The following DNAH11 variants were observed in gnomAD, a reference collection of about 807,000 sequenced individuals.
The protein encoded by DNAH11 is dynein axonemal heavy chain 11.
A neutral mutation model predicts 526.0 loss-of-function variants in DNAH11; 442 were observed. The observed-to-expected ratio is 0.84, with a 90% CI of 0.78 to 0.91. The LOEUF (loss-of-function observed/expected upper bound fraction) is 0.91. DNAH11 is among the 40% of genes least tolerant of loss of function. DNAH11 has a pLI of 0.00. For missense variants in DNAH11, 6,989 were observed against 5,448.7 expected, an observed-to-expected ratio of 1.28 and a Z score of -8.90; for synonymous variants, 2,461 against 1,935.9, an observed-to-expected ratio of 1.27 and a Z score of -7.12.
intron 66 of DNAH11, among the ~76,000 whole-genome samples, 189 bp downstream of exon 66, chr7:21,842,937 G>T (rs1235347418): frequency 1.3e-5 from 2 of 152,186 alleles, no homozygotes; most frequent in Non-Finnish European, 1.5e-5. Flanking sequence ...GATTGTTACG[G>T]TTATGCCACA....
chr7:21,878,486 T>G (rs970404440), intron 74 of DNAH11, among the ~76,000 whole-genome samples: 1 of 152,230 alleles, frequency 6.6e-6, no homozygotes, highest in African/African-American at 2.4e-5. Flanking sequence ...GTAAATTTTT[T>G]TTATACCCTT....
intron 27 of DNAH11, among the ~76,000 whole-genome samples, chr7:21,638,157 T>C (rs976762629): frequency 1.3e-5 from 2 of 152,220 alleles, no homozygotes; most frequent in African/African-American, 4.8e-5. Flanking sequence ...AATTTTCACA[T>C]TTAATTCTAT....
At chr7:21,788,813 A>G (rs988852756) in intron 60 of DNAH11, among the ~76,000 whole-genome samples, 2 of 152,214 alleles carry the variant, frequency 1.3e-5, no homozygotes, top group African/African-American at 4.8e-5. Flanking sequence ...TAGTAATATG[A>G]GGCGTATCTT....
At chr7:21,658,597 G>A (rs573877442) in intron 29 of DNAH11, among the ~76,000 whole-genome samples, 1 of 152,212 alleles carries the variant, frequency 6.6e-6, no homozygotes, top group Admixed American at 6.5e-5. Flanking sequence ...CCTGGGAGAA[G>A]GCGGGTTCCT....
intron 28 of DNAH11, among the ~76,000 whole-genome samples, chr7:21,645,986 A>G (rs903173095): frequency 3.3e-5 from 5 of 152,222 alleles, no homozygotes; most frequent in Admixed American, 3.3e-4. Flanking sequence ...TTATCAAAAG[A>G]TGCTCTTAAG....
At chr7:21,610,115 G>A (rs930725375) in intron 20 of DNAH11, among the ~76,000 whole-genome samples, 20 of 152,232 alleles carry the variant, frequency 1.3e-4, no homozygotes, top group Admixed American at 4.6e-4. Flanking sequence ...TTAGCCGGGC[G>A]TGGTGGCAGG....
chr7:21,574,677 C>T (rs1784018594), intron 8 of DNAH11, among the ~76,000 whole-genome samples: 1 of 151,150 alleles, frequency 6.6e-6, no homozygotes, highest in African/African-American at 2.4e-5. Context: ...GATTCTTCTG[C>T]CTCAGCCTCC....
intron 21 of DNAH11, among the ~76,000 whole-genome samples, chr7:21,615,875 T>A (rs1256053064): frequency 1.3e-5 from 2 of 152,202 alleles, no homozygotes; most frequent in African/African-American, 4.8e-5. Context: ...GCTTATTTAG[T>A]TACATGTAGA....
At chr7:21,863,760 C>G (rs549729080) in intron 69 of DNAH11, among the ~76,000 whole-genome samples, 1 of 152,088 alleles carries the variant, frequency 6.6e-6, no homozygotes, top group African/African-American at 2.4e-5. Context: ...AGTTTCATAA[C>G]TATATGGATA....
chr7:21,865,233 T>C (rs572700717), intron 70 of DNAH11, among the ~76,000 whole-genome samples: 6 of 152,360 alleles, frequency 3.9e-5, no homozygotes, highest in African/African-American at 1.2e-4. Context: ...GTTCAACATA[T>C]GCTAAGCTTT....
rs146741796 is a variant in DNAH11, at chr7:21,876,480, A to G, written c.12195+2979A>G. ...CCTGGCTCTCTGTGAATATGTTCCC[A>G]TTGCCCTTTTATCAGTTAGAATGTT... is the stretch of plus-strand genomic sequence containing the variant. On this transcript the variant is annotated intron_variant, in intron 74 of 81. Transcript: ENST00000409508. 6.6e-3 allele frequency among the ~76,000 whole-genome samples: 1,006 copies of G among 152,326 alleles called. 12 individuals carry two copies. The highest frequency in any genetic ancestry group is 0.023 in the African/African-American group (948 of 41,572).
chr7:21,601,671 A>G, intron 18 of DNAH11, 53 bp downstream of exon 18: 1 of 1,342,120 alleles, frequency 7.5e-7, no homozygotes, highest in Non-Finnish European at 1.0e-6. Flanking sequence ...CATCTCTTTT[A>G]TTAAAGTACT....
At chr7:21,690,638 T>G (rs1170974848) in intron 34 of DNAH11, 127 bp from the exon 35 acceptor site, 3 of 676,842 alleles carry the variant, frequency 4.4e-6, no homozygotes, top group Non-Finnish European at 7.4e-6. Flanking sequence ...GGCTTATGAA[T>G]TTTAAAGAAA....
chr7:21,864,793 T>C (rs1783209711), intron 70 of DNAH11, 136 bp downstream of exon 70: 2 of 811,120 alleles, frequency 2.5e-6, no homozygotes, highest in Non-Finnish European at 3.5e-6. Flanking sequence ...CACTGTATAA[T>C]GTGATGTTAT....
In DNAH11 at chr7:21,739,880, C is replaced by A. The variant is rs117940929; in HGVS notation, c.7914+207C>A. ...TTATTTTTTATATCAAAGTTTATAG[C>A]AAAATCAACTGGCAGTACAAATAAT... On this transcript the variant is annotated intron_variant, in intron 48 of 81. Transcript: ENST00000409508. Among the ~76,000 whole-genome samples, 57 of 152,226 alleles carry A rather than the reference C, an allele frequency of 3.7e-4. 1 individual carries two copies. In the East Asian group the frequency reaches 5.6e-3, roughly 15 times the overall value.
chr7:21,599,722 G>A, intron 14 of DNAH11, 65 bp from the exon 15 acceptor site: 1 of 1,215,286 alleles, frequency 8.2e-7, no homozygotes, highest in Non-Finnish European at 1.1e-6. Flanking sequence ...TATTTAAACG[G>A]AGAGTTTTAG....
In DNAH11 at chr7:21,619,136, G is replaced by T. The variant is rs774040867; in HGVS notation, c.4291G>T (p.Asp1431Tyr). 1 of 1,613,694 alleles carries T rather than the reference G, an allele frequency of 6.2e-7. No individual in the cohort carries two copies. The change falls in exon 24 of 82, where the codon GAT becomes TAT. Residue 1431 changes from aspartate (D) to tyrosine (Y), a missense_variant. Asp to Tyr is a radical substitution (Grantham distance 160). Coordinates refer to ENST00000409508, the MANE Select transcript of DNAH11 (RefSeq NM_001277115.2). ...FLINEATTLA[D>Y]LLALRLHRVE... ...AATAAATGAAGCCACAACTTTGGCAGATTTGTTAGCACTGCGGTTACACAG... is the reference window on the plus strand; with the variant it reads ...AATAAATGAAGCCACAACTTTGGCATATTTGTTAGCACTGCGGTTACACAG...
intron 35 of DNAH11, among the ~76,000 whole-genome samples, chr7:21,695,687 G>A (rs1316018652): frequency 1.3e-5 from 2 of 152,198 alleles, no homozygotes; most frequent in Non-Finnish European, 2.9e-5. Flanking sequence ...CATGGACAAA[G>A]ACTTCATGAC....
At chr7:21,669,897 G>A (rs141096234) in intron 30 of DNAH11, among the ~76,000 whole-genome samples, 31 of 152,028 alleles carry the variant, frequency 2.0e-4, no homozygotes, top group African/African-American at 6.3e-4. Flanking sequence ...CTATTTTTCT[G>A]CCTTCATGCC....
Sources: gnomAD v4.1 joint callset for allele counts (sites outside exome capture counted in the v4.1 genomes callset) on GRCh38, gnomAD v4.1.1 for gene constraint, MANE v1.5 for transcripts, NCBI Gene and HGNC (gene_info 2026-07-23, HGNC 2026-07-21) for gene names.